The following AP3B1 variants were observed in gnomAD, a reference collection of about 807,000 sequenced individuals.
AP3B1 encodes the protein AP-3 complex subunit beta-1.
Under a neutral mutation model 132.5 loss-of-function variants are expected in AP3B1, and 61 were observed. That is an observed-to-expected ratio of 0.46 (90% CI 0.37 to 0.57). AP3B1 has a LOEUF of 0.57. Among genes scored for constraint, AP3B1 ranks in the 20% least tolerant of loss-of-function variants. AP3B1 has a pLI of 0.00. For missense variants in AP3B1, 1,120 were observed against 1,289.4 expected, an observed-to-expected ratio of 0.87 and a Z score of 2.01; for synonymous variants, 388 against 438.3, an observed-to-expected ratio of 0.89 and a Z score of 1.43.
In AP3B1 at chr5:78,248,544, C is replaced by T. The variant is rs527921620; in HGVS notation, c.205-7608G>A. Among the ~76,000 whole-genome samples, 296 of 147,146 alleles carry T rather than the reference C, an allele frequency of 2.0e-3. 1 individual carries two copies. Among genetic ancestry groups the T allele is most frequent in the African/African-American group, 7.1e-3 (283 of 39,894 alleles). On this transcript the variant is annotated intron_variant, in intron 2 of 26. Coordinates refer to ENST00000255194, the MANE Select transcript of AP3B1 (RefSeq NM_003664.5). ...AAAGAAAAATGCAGAAACATTGCAACCATATAGACTCTTTTATTTCCACCT... is the reference window on the plus strand; with the variant it reads ...AAAGAAAAATGCAGAAACATTGCAATCATATAGACTCTTTTATTTCCACCT...
chr5:78,237,086 T>C (rs2112511604), intron 3 of AP3B1, among the ~76,000 whole-genome samples: 1 of 152,318 alleles, frequency 6.6e-6, no homozygotes, highest in Admixed American at 6.5e-5. Flanking sequence ...GCCACAAGAA[T>C]ACAACTGTTT....
At chr5:78,106,579 G>A (rs1751349164) in intron 20 of AP3B1, among the ~76,000 whole-genome samples, 1 of 152,210 alleles carries the variant, frequency 6.6e-6, no homozygotes, top group Non-Finnish European at 1.5e-5. Context: ...CAGGACAGGT[G>A]AATTTAATAT....
chr5:78,129,075 T>C, intron 16 of AP3B1, 46 bp downstream of exon 16: 4 of 1,526,860 alleles, frequency 2.6e-6, no homozygotes, highest in Non-Finnish European at 3.6e-6. Context: ...CATCTTGTCA[T>C]AATTTTTTAG....
intron 22 of AP3B1, among the ~76,000 whole-genome samples, chr5:78,054,571 T>TC (rs1203855573): frequency 2.6e-5 from 4 of 152,160 alleles, no homozygotes; most frequent in African/African-American, 9.7e-5. Context: ...CAACAGGACT[T>TC]CAAGATCCAA....
chr5:78,129,895 T>C (rs548393214), intron 15 of AP3B1, among the ~76,000 whole-genome samples: 2 of 152,226 alleles, frequency 1.3e-5, no homozygotes, highest in South Asian at 2.1e-4. Context: ...GCTGTTACTT[T>C]TTCATAAAAG....
intron 3 of AP3B1, among the ~76,000 whole-genome samples, chr5:78,228,881 G>A (rs149521049): frequency 8.5e-4 from 130 of 152,276 alleles, no homozygotes; most frequent in African/African-American, 2.8e-3. Context: ...CCAATTTAAC[G>A]TAATAAAAAT....
At chr5:78,028,958 T>TTGTCTTTTTTC (rs1561361878) in intron 24 of AP3B1, among the ~76,000 whole-genome samples, 1 of 152,194 alleles carries the variant, frequency 6.6e-6, no homozygotes, top group Non-Finnish European at 1.5e-5. Context: ...TCTTTCTTCG[T>TTGTCTTTTTTC]TGTCTTTTTT....
At chr5:78,181,705 A>G in intron 7 of AP3B1, 43 bp from the exon 8 acceptor site, 1 of 1,568,178 alleles carries the variant, frequency 6.4e-7, no homozygotes, top group South Asian at 1.1e-5. Flanking sequence ...TTAGACCTTG[A>G]GCAATCTGCA....
intron 3 of AP3B1, among the ~76,000 whole-genome samples, chr5:78,229,211 C>T (rs1746526627): frequency 6.6e-6 from 1 of 152,180 alleles, no homozygotes; most frequent in African/African-American, 2.4e-5. Context: ...ACAGGGGTTA[C>T]AGGCATGAGC....
At chr5:78,116,786 C>G (rs1382885701) in intron 17 of AP3B1, among the ~76,000 whole-genome samples, 2 of 152,142 alleles carry the variant, frequency 1.3e-5, no homozygotes, top group African/African-American at 4.8e-5. Context: ...CCCTTCTCTC[C>G]TGGACTACTC....
chr5:78,288,980 T>C (rs992987979), intron 1 of AP3B1, among the ~76,000 whole-genome samples: 1 of 146,956 alleles, frequency 6.8e-6, no homozygotes, highest in Non-Finnish European at 1.5e-5. Flanking sequence ...GTACAGACAC[T>C]AGATAAAATT....
chr5:78,039,126 G>C lies in AP3B1; in HGVS notation c.2726C>G (p.Thr909Ser), dbSNP rs1747940185. The change falls in exon 23 of 27, where the codon ACT (threonine) becomes AGT (serine). Residue 909 changes from threonine (T) to serine (S), a missense_variant. Coordinates refer to ENST00000255194, the MANE Select transcript of AP3B1 (RefSeq NM_003664.5). ...MVSIQITLNN[T>S]TDRKIENIHI... ...GATATTTTCTATCTTTCGATCAGTA[G>C]TGTTATTCAGTGTTATTTGTATAGA... 6.2e-7 allele frequency: 1 copy of C among 1,613,346 alleles called. No individual in the cohort carries two copies. The highest frequency in any genetic ancestry group is 1.1e-5 in the South Asian group (1 of 91,054).
intron 7 of AP3B1, among the ~76,000 whole-genome samples, chr5:78,199,715 A>G (rs1305332770): frequency 6.6e-6 from 1 of 152,192 alleles, no homozygotes; most frequent in Non-Finnish European, 1.5e-5. Flanking sequence ...GAGGGCGATT[A>G]ATTAAAAGTT....
chr5:78,232,637 A>G (rs1304956774), intron 3 of AP3B1, among the ~76,000 whole-genome samples: 2 of 152,208 alleles, frequency 1.3e-5, no homozygotes, highest in Non-Finnish European at 2.9e-5. Context: ...ATCATCCTTC[A>G]ATACAACCTA....
intron 1 of AP3B1, among the ~76,000 whole-genome samples, chr5:78,291,531 T>C (rs1377803416): frequency 6.7e-6 from 1 of 150,320 alleles, no homozygotes; most frequent in Admixed American, 6.7e-5. Flanking sequence ...AATGTAATAG[T>C]TCAAGAAGCA....
At chr5:78,293,086 C>T (rs1340725067) in intron 1 of AP3B1, among the ~76,000 whole-genome samples, 8 of 152,066 alleles carry the variant, frequency 5.3e-5, no homozygotes, top group African/African-American at 1.9e-4. Context: ...ACCATGTTGG[C>T]CAGGCTGGTC....
At chr5:78,120,444 A>C (rs1752120269) in intron 17 of AP3B1, among the ~76,000 whole-genome samples, 1 of 152,210 alleles carries the variant, frequency 6.6e-6, no homozygotes, top group Admixed American at 6.5e-5. Flanking sequence ...TATTCAGGAA[A>C]CCCATCTCAC....
At chr5:78,159,162 T>C (rs1465675927) in intron 13 of AP3B1, among the ~76,000 whole-genome samples, 1 of 152,218 alleles carries the variant, frequency 6.6e-6, no homozygotes, top group Non-Finnish European at 1.5e-5. Flanking sequence ...TTTTAAAGAA[T>C]GCATAGTATA....
intron 6 of AP3B1, among the ~76,000 whole-genome samples, chr5:78,220,930 T>C (rs984592603): frequency 1.3e-5 from 2 of 151,996 alleles, no homozygotes; most frequent in Non-Finnish European, 2.9e-5. Context: ...ATGTCTATAG[T>C]CCCATTTACT....
Sources: allele counts gnomAD v4.1 joint callset (sites outside exome capture counted in the v4.1 genomes callset), GRCh38; gene constraint gnomAD v4.1.1; transcripts MANE v1.5; gene names NCBI Gene and HGNC (gene_info 2026-07-23, HGNC 2026-07-21).